Variants in NCAPD2 observed in about 807,000 individuals in gnomAD.
The protein encoded by NCAPD2 is condensin complex subunit 1.
Under a neutral mutation model 164.5 loss-of-function variants are expected in NCAPD2, and 100 were observed. That is an observed-to-expected ratio of 0.61 (90% CI 0.52 to 0.72). The LOEUF (loss-of-function observed/expected upper bound fraction) is 0.72. Among genes scored for constraint, NCAPD2 ranks in the 30% least tolerant of loss-of-function variants. The pLI is 0.00. For synonymous variants in NCAPD2, 585 were observed against 642.6 expected, an observed-to-expected ratio of 0.91 and a Z score of 1.36; for missense variants, 1,560 against 1,749.2, an observed-to-expected ratio of 0.89 and a Z score of 1.93.
intron 2 of NCAPD2, among the ~76,000 whole-genome samples, chr12:6,504,883 T>C (rs1946084985): frequency 6.6e-6 from 1 of 152,164 alleles, no homozygotes; most frequent in Non-Finnish European, 1.5e-5. Flanking sequence ...CCGTCCATGG[T>C]ACCATATGAA....
At chr12:6,519,046 C>T (rs984020986) in intron 13 of NCAPD2, among the ~76,000 whole-genome samples, 11 of 151,832 alleles carry the variant, frequency 7.2e-5, no homozygotes, top group Admixed American at 2.6e-4. Context: ...CCACCACGCC[C>T]GGCTAATTTT....
chr12:6,522,723 CG>C, intron 15 of NCAPD2, 104 bp from the exon 16 acceptor site: 4 of 1,271,710 alleles, frequency 3.1e-6, no homozygotes, highest in Non-Finnish European at 4.4e-6. Context: ...AGGGAAAATG[CG>C]GAAGGCCTCC....
intron 21 of NCAPD2, 35 bp downstream of exon 21, chr12:6,526,650 A>C (rs1946320837): frequency 6.2e-7 from 1 of 1,601,080 alleles, no homozygotes; most frequent in East Asian, 2.2e-5. Context: ...TGCGGCAGCC[A>C]GCTTCTGTTC....
At position 6,523,310 on chromosome 12, in the gene NCAPD2, T is replaced by A. The variant is rs1327364886; in HGVS notation, c.2178T>A (p.Asp726Glu). ...AGAATCTCTCTCTGCTGCTAGTGGA[T>A]GCCTCGGTTGGGACCATTCAGTGTC... is the stretch of plus-strand genomic sequence containing the variant. ...LIQNLSLLLV[D>E]ASVGTIQCLE... The change falls in exon 17 of 32, where the codon GAT (aspartate) becomes GAA (glutamate). Residue 726 changes from aspartate to glutamate, a missense_variant. By Grantham distance (45) the Asp-to-Glu change is conservative. Coordinates refer to ENST00000315579, the MANE Select transcript of NCAPD2 (RefSeq NM_014865.4). The A allele has an allele frequency of 4.3e-6, 7 of 1,613,976 alleles. No individual in the cohort carries two copies. In the Admixed American group the frequency reaches 5.0e-5, roughly 12 times the overall value.
chr12:6,513,715 C>CTTTTTTTTTTTTTTTTTTTT (rs71067124), intron 6 of NCAPD2, among the ~76,000 whole-genome samples: 1,592 of 74,776 alleles, frequency 0.021, 441 homozygotes, highest in African/African-American at 0.037. Context: ...GTGACTTTGT[C>CTTTTTTTTTTTTTTTTTTTT]TTTTTTTTTT....
Position 6,531,458 on chromosome 12 carries a change from C to T in NCAPD2, c.*46C>T, listed in dbSNP as rs768993501. The T allele has an allele frequency of 6.2e-6, 10 of 1,605,170 alleles. No individual in the cohort carries two copies. The highest frequency in any genetic ancestry group is 8.5e-6 in the Non-Finnish European group (10 of 1,176,844). ...CTGTGCAGGGTATCCTGTAGGGTGA[C>T]CTGGAATTCGAATTCTGTTTCCCTT... On this transcript the variant is annotated 3_prime_UTR_variant, in exon 32 of 32. Transcript: ENST00000315579. This position sits in a 1 kb window ranked among gnomAD's most constrained non-coding sequence, Gnocchi z 4.1.
chr12:6,517,559 G>A (rs1407853507), intron 11 of NCAPD2, 37 bp from the exon 12 acceptor site: 1 of 1,614,204 alleles, frequency 6.2e-7, no homozygotes, highest in South Asian at 1.1e-5. Context: ...ATGAAATTAT[G>A]TCATTTACTG....
At chr12:6,522,634 C>T (rs1330567864) in intron 15 of NCAPD2, among the ~76,000 whole-genome samples, 194 bp from the exon 16 acceptor site, 1 of 152,064 alleles carries the variant, frequency 6.6e-6, no homozygotes, top group Non-Finnish European at 1.5e-5. Context: ...TGTTTGCTTC[C>T]TCTAGCCACT....
At chr12:6,515,359 A>C (rs1054484969) in intron 9 of NCAPD2, among the ~76,000 whole-genome samples, 1 of 151,660 alleles carries the variant, frequency 6.6e-6, no homozygotes, top group African/African-American at 2.4e-5. Context: ...TAATTTTTTT[A>C]GTTTTTGTAG....
At position 6,510,774 on chromosome 12, in the gene NCAPD2, C is replaced by T. The variant is rs1946139295; in HGVS notation, c.408C>T (p.Ser136=). The T allele has an allele frequency of 6.2e-7, 1 of 1,613,998 alleles. No individual in the cohort carries two copies. Among genetic ancestry groups the T allele is most frequent in the Non-Finnish European group, 8.5e-7 (1 of 1,180,032 alleles). ...TGGAATCCTTTGAGACCATGGCCAG[C>T]CAGACAAACCTTGTGGACCTGGACC... The part of the protein sequence containing the change: ...RLLESFETMA[S]QTNLVDLDLG... Residue 136 remains serine, a synonymous_variant, in exon 5 of 32, where the codon AGC becomes AGT. Transcript: ENST00000315579.
rs1232384445 is a variant in NCAPD2, at chr12:6,510,644, C to T, written c.278C>T (p.Ser93Phe). 2 of 1,614,146 alleles carry T rather than the reference C, an allele frequency of 1.2e-6. No individual in the cohort carries two copies. The highest frequency in any genetic ancestry group is 1.7e-5 in the Admixed American group (1 of 60,020). Residue 93 changes from serine to phenylalanine, a missense_variant, in exon 5 of 32, where the codon TCC becomes TTC. Physicochemically the swap from Ser to Phe is radical, Grantham distance 155. Transcript: ENST00000315579. The stretch of plus-strand genomic sequence containing the variant: ...CCCCTCACAGTGGTATCCCGCCACT[C>T]CCAGGAGCTTCCAGCTATCCTGGAT... ...QFLIKVVSRH[S>F]QELPAILDDT...
chr12:6,528,119 T>G lies in NCAPD2; in HGVS notation c.3143+28T>G. 1 of 1,614,200 alleles carries G rather than the reference T, an allele frequency of 6.2e-7. No individual in the cohort carries two copies. Among genetic ancestry groups the G allele is most frequent in the Non-Finnish European group, 8.5e-7 (1 of 1,180,030 alleles). ...AGGCCGTGGGGTTGGTACCCCCTTC[T>G]CAAGGAAGATGGGGATGAAATGGCT... On this transcript the variant is annotated intron_variant, in intron 24 of 31. Transcript: ENST00000315579. The surrounding 1 kb of genome is among the most constrained non-coding windows in gnomAD (Gnocchi z 5.1).
Position 6,531,099 on chromosome 12 carries a change from C to T in NCAPD2, c.4120+23C>T, listed in dbSNP as rs764531708. 16 of 1,612,062 alleles carry T rather than the reference C, an allele frequency of 9.9e-6. No individual in the cohort carries two copies. The highest frequency in any genetic ancestry group is 8.8e-5 in the South Asian group (8 of 90,958). On this transcript the variant is annotated intron_variant, in intron 31 of 31. Coordinates refer to ENST00000315579, the MANE Select transcript of NCAPD2 (RefSeq NM_014865.4). This position sits in a 1 kb window ranked among gnomAD's most constrained non-coding sequence, Gnocchi z 4.1. ...AAGGTATGATGCTCCCGCCTGTTCC[C>T]GGCCGAGAAGGCACACAGCTAGGGT...
rs140808604 is a variant in NCAPD2 at position 6,527,549 on chromosome 12, A to T, written c.2908-228A>T. Among the ~76,000 whole-genome samples the T allele has an allele frequency of 7.2e-5, 11 of 152,370 alleles. No individual in the cohort carries two copies. In the East Asian group the frequency reaches 2.1e-3, roughly 29 times the overall value. ...CCATATATAGGAAACGATGTCTTCCATGAGGAAGAGGTGCAGAAACACGCT... is the reference window on the plus strand; with the variant it reads ...CCATATATAGGAAACGATGTCTTCCTTGAGGAAGAGGTGCAGAAACACGCT... On this transcript the variant is annotated intron_variant, in intron 22 of 31. Coordinates refer to ENST00000315579, the MANE Select transcript of NCAPD2 (RefSeq NM_014865.4).
intron 4 of NCAPD2, 192 bp downstream of exon 4, chr12:6,510,325 ATG>A: frequency 1.3e-6 from 1 of 796,698 alleles, no homozygotes; most frequent in East Asian, 2.4e-5. Context: ...ATACAGAGTT[ATG>A]TGTGTTCACT....
rs975929773 is a variant in NCAPD2, at chr12:6,530,043, C to T, written c.3837+85C>T. The T allele has an allele frequency of 7.6e-6, 11 of 1,441,336 alleles. No homozygotes were observed. In the Admixed American group the frequency reaches 8.5e-5, roughly 11 times the overall value. 89.3% of individuals were successfully genotyped at this position (1,441,336 alleles called of 1,614,324 possible). A position where few individuals can be genotyped will look rare whatever the true frequency, so the allele number is the denominator to read the frequency against. ...GGCCCTGGGCAGCATACGGCTCTTG[C>T]AGTCACCTTCCCGTCCTCCTTATCC... On this transcript the variant is annotated intron_variant, in intron 29 of 31. Transcript: ENST00000315579.
At chr12:6,523,759 A>G (rs12371184) in intron 17 of NCAPD2, among the ~76,000 whole-genome samples, 33,138 of 152,190 alleles carry the variant, frequency 0.22, 3,785 homozygotes, top group Non-Finnish European at 0.24. Flanking sequence ...AAGAAGTATA[A>G]GACTATTTGC....
chr12:6,498,186 G>A (rs980556860), intron 2 of NCAPD2, among the ~76,000 whole-genome samples: 1 of 152,162 alleles, frequency 6.6e-6, no homozygotes, highest in South Asian at 2.1e-4. Context: ...TGAGATTACA[G>A]GTGTGAGCCA....
intron 18 of NCAPD2, 85 bp downstream of exon 18, chr12:6,525,801 C>G: frequency 6.5e-7 from 1 of 1,541,018 alleles, no homozygotes; most frequent in Non-Finnish European, 8.8e-7. Flanking sequence ...GACATTGTCA[C>G]AGTGAGGCCC....
Sources: allele counts gnomAD v4.1 joint callset (sites outside exome capture counted in the v4.1 genomes callset), GRCh38; gene constraint gnomAD v4.1.1; non-coding constraint Gnocchi (gnomAD v3.1); transcripts MANE v1.5; gene names NCBI Gene and HGNC (gene_info 2026-07-23, HGNC 2026-07-21).